TMC6: variants seen among roughly 807,000 people sequenced by gnomAD.
The protein encoded by TMC6 is transmembrane channel-like protein 6.
Under a neutral mutation model 95.4 loss-of-function variants are expected in TMC6, and 71 were observed. The observed-to-expected ratio is 0.74, with a 90% CI of 0.61 to 0.91. The LOEUF is 0.91. Ranked by LOEUF, TMC6 falls within the 40% of genes least tolerant of loss-of-function variation. The pLI is 0.00. For synonymous variants in TMC6, 514 were observed against 483.1 expected (o/e 1.06, Z -0.84); for missense variants, 1,074 against 1,079.1 (o/e 1.00, Z 0.07).
Position 78,119,300 on chromosome 17 carries a change from G to T in TMC6, c.1808C>A (p.Thr603Asn). The change falls in exon 14 of 20, where the codon ACC becomes AAC. Residue 603 changes from threonine (T) to asparagine (N), a missense_variant. By Grantham distance (65) the Thr-to-Asn change is moderately conservative. Coordinates refer to ENST00000590602, the MANE Select transcript of TMC6 (RefSeq NM_001127198.5). ...VLELIYGQTL[T>N]WLGVLFSPLL... Reference sequence around the variant, plus strand: ...GAGGCAAGCAGAGGACCCTCACCAGGTCAGAGTCTGCCCATAAATCAGCTC... The same window carrying T: ...GAGGCAAGCAGAGGACCCTCACCAGTTCAGAGTCTGCCCATAAATCAGCTC... The T allele has an allele frequency of 3.1e-6, 5 of 1,614,010 alleles. No homozygotes were observed. In the South Asian group the frequency reaches 5.5e-5, roughly 18 times the overall value.
Position 78,122,421 on chromosome 17 carries a change from G to T in TMC6, c.1227+184C>A. The T allele has an allele frequency of 1.1e-6, 1 of 883,698 alleles. No homozygotes were observed. The highest frequency in any genetic ancestry group is 1.7e-6 in the Non-Finnish European group (1 of 592,066). The allele number at this position is 883,698 out of a possible 1,614,324, so 54.7% of individuals were successfully genotyped here. On this transcript the variant is annotated intron_variant, in intron 10 of 19. Transcript: ENST00000590602. This position sits in a 1 kb window ranked among gnomAD's most constrained non-coding sequence, Gnocchi z 4.9. Reference sequence around the variant, plus strand: ...CCCTAACTGATGGGTGTGTGCCAGAGAAAAACTCAGGGCCTGCCCGTCACT... The same window carrying T: ...CCCTAACTGATGGGTGTGTGCCAGATAAAAACTCAGGGCCTGCCCGTCACT...
Position 78,121,845 on chromosome 17 carries a change from A to G in TMC6, c.1228-134T>C. 8.5e-7 allele frequency: 1 copy of G among 1,180,622 alleles called. No homozygotes were observed. Among genetic ancestry groups the G allele is most frequent in the Non-Finnish European group, 1.2e-6 (1 of 858,242 alleles). 73.1% of individuals were successfully genotyped at this position (1,180,622 alleles called of 1,614,324 possible). A position where few individuals can be genotyped will look rare whatever the true frequency, so the allele number is the denominator to read the frequency against. On this transcript the variant is annotated intron_variant, in intron 10 of 19. Coordinates refer to ENST00000590602, the MANE Select transcript of TMC6 (RefSeq NM_001127198.5). The surrounding 1 kb of genome is among the most constrained non-coding windows in gnomAD (Gnocchi z 5.6). ...AACCAGGACAGAGGGCCAGTTCCCC[A>G]TGCCCCACCTGCCCTTTCATCTGCT...
At position 78,121,157 on chromosome 17, in the gene TMC6, T is replaced by A; in HGVS notation, c.1391A>T (p.Glu464Val). The change falls in exon 12 of 20, where the codon GAG becomes GTG. Residue 464 changes from glutamate to valine, a missense_variant. Coordinates refer to ENST00000590602, the MANE Select transcript of TMC6 (RefSeq NM_001127198.5). The surrounding 1 kb of genome is among the most constrained non-coding windows in gnomAD (Gnocchi z 5.6). ...CAGCACAGCCTCCTGGCCAGCAGCC[T>A]CTGGACTCTGCAGGGGTGCAGGGAG... ...VFSEFMIQSP[E>V]AAGQEAVLLV... 2 of 1,591,744 alleles carry A rather than the reference T, an allele frequency of 1.3e-6. No homozygotes were observed. Among genetic ancestry groups the A allele is most frequent in the Non-Finnish European group, 1.7e-6 (2 of 1,169,736 alleles).
At chr17:78,120,486 C>T (rs1360102366) in intron 13 of TMC6, 167 bp downstream of exon 13, 2 of 1,096,372 alleles carry the variant, frequency 1.8e-6, no homozygotes, top group African/African-American at 3.1e-5. Flanking sequence ...AACCTGTTTT[C>T]CTTTCCAATC....
Position 78,121,832 on chromosome 17 carries a change from G to C in TMC6, c.1228-121C>G. 7.6e-6 allele frequency: 10 copies of C among 1,317,318 alleles called. No homozygotes were observed. The highest frequency in any genetic ancestry group is 1.0e-5 in the Non-Finnish European group (10 of 979,934). The allele number at this position is 1,317,318 out of a possible 1,614,324, so 81.6% of individuals were successfully genotyped here. ...ACCAGGAGGCTTGAACCAGGACAGAGGGCCAGTTCCCCATGCCCCACCTGC... is the reference window on the plus strand; with the variant it reads ...ACCAGGAGGCTTGAACCAGGACAGACGGCCAGTTCCCCATGCCCCACCTGC... On this transcript the variant is annotated intron_variant, in intron 10 of 19. Transcript: ENST00000590602. The surrounding 1 kb of genome is among the most constrained non-coding windows in gnomAD (Gnocchi z 5.6).
Position 78,126,575 on chromosome 17 carries a change from A to G in TMC6, c.130T>C (p.Cys44Arg). 2 of 1,613,732 alleles carry G rather than the reference A, an allele frequency of 1.2e-6. No individual in the cohort carries two copies. Among genetic ancestry groups the G allele is most frequent in the Non-Finnish European group, 1.7e-6 (2 of 1,179,978 alleles). Residue 44 changes from cysteine (C) to arginine (R), a missense_variant, in exon 3 of 20, where the codon TGC (cysteine) becomes CGC (arginine). Transcript: ENST00000590602. ...AGCTCCAGCCCCTCCTGGGCCGTGCACTGGCTCTGCTCCTGGATGAGCTGC... is the reference window on the plus strand; with the variant it reads ...AGCTCCAGCCCCTCCTGGGCCGTGCGCTGGCTCTGCTCCTGGATGAGCTGC... ...FQQLIQEQSQ[C>R]TAQEGLELQQ...
At chr17:78,119,272 T>G in intron 14 of TMC6, 25 bp downstream of exon 14, 2 of 1,612,964 alleles carry the variant, frequency 1.2e-6, no homozygotes, top group Non-Finnish European at 1.7e-6. Context: ...GGCCAGACAG[T>G]AGGAGGCAAG....
chr17:78,132,165 C>T (rs1029132811), upstream of TMC6: 3 of 1,437,422 alleles, frequency 2.1e-6, no homozygotes, highest in African/African-American at 4.2e-5. Context: ...CCCCTCCCAC[C>T]CCTTCCGCCC....
At chr17:78,117,965 T>A (rs2074217181) in intron 15 of TMC6, 30 bp from the exon 16 acceptor site, 1 of 1,583,976 alleles carries the variant, frequency 6.3e-7, no homozygotes, top group African/African-American at 1.3e-5. Flanking sequence ...TCTGCCACCA[T>A]CCTGCTACCC....
At chr17:78,131,367 C>T, upstream of TMC6, 1 of 635,676 alleles carries the variant, frequency 1.6e-6, no homozygotes, top group Non-Finnish European at 2.7e-6. Context: ...GATTCTCTCT[C>T]ATTTCTGAGC....
rs998707301 is a variant in TMC6 at position 78,124,894 on chromosome 17, C to G, written c.628G>C (p.Val210Leu). 6.3e-6 allele frequency: 10 copies of G among 1,596,892 alleles called. No individual in the cohort carries two copies. Among genetic ancestry groups the G allele is most frequent in the Non-Finnish European group, 7.7e-6 (9 of 1,173,412 alleles). The change falls in exon 7 of 20, where the codon GTG (valine) becomes CTG (leucine). Residue 210 changes from valine (V) to leucine (L), a missense_variant. Transcript: ENST00000590602. ...SCCGRLRYAC[V>L]LALHSLGLAL... ...GGCAGACCAGGGGCCCATACCAGCA[C>G]GCAGGCATATCTGAGCCGGCCACAG...
intron 15 of TMC6, 99 bp from the exon 16 acceptor site, chr17:78,118,034 G>C: frequency 6.5e-7 from 1 of 1,537,340 alleles, no homozygotes; most frequent in African/African-American, 1.4e-5. Flanking sequence ...AGGGCTGTGC[G>C]TCCAGGCAGA....
intron 13 of TMC6, 28 bp downstream of exon 13, chr17:78,120,625 C>T: frequency 6.2e-7 from 1 of 1,613,998 alleles, no homozygotes; most frequent in South Asian, 1.1e-5. Flanking sequence ...AGAACACTCA[C>T]CACCCAGTCC....
chr17:78,131,432 C>G, upstream of TMC6: 1 of 1,050,912 alleles, frequency 9.5e-7, no homozygotes, highest in Non-Finnish European at 1.4e-6. Flanking sequence ...GCTGCAGGAG[C>G]CCAGGCCCCG....
At chr17:78,115,723 G>GA (rs1295270429) in intron 18 of TMC6, among the ~76,000 whole-genome samples, 2 of 3,210 alleles carry the variant, frequency 6.2e-4, no homozygotes, top group Non-Finnish European at 1.3e-3. Context: ...TGGGCACAGG[G>GA]GCGAAGGGAG....
rs558985374 is a variant in TMC6, at chr17:78,128,280, C to T, written c.-75+332G>A. 6.7e-3 allele frequency among the ~76,000 whole-genome samples: 1,021 copies of T among 152,224 alleles called. 8 individuals carry two copies. Among genetic ancestry groups the T allele is most frequent in the African/African-American group, 0.023 (969 of 41,538 alleles). ...AGAGCGGCTGCAACTCTGGGGCCAC[C>T]GAACCCGTCCAGCCGGCCTCCCTGT... On this transcript the variant is annotated intron_variant, in intron 1 of 19. Transcript: ENST00000590602. The surrounding 1 kb of genome is among the most constrained non-coding windows in gnomAD (Gnocchi z 4.0).
In TMC6 at chr17:78,117,647, G is replaced by C. The variant is rs1363065689; in HGVS notation, c.2022-3C>G. The stretch of plus-strand genomic sequence containing the variant: ...CGCAGGTGCTCGAGGGCTTCACCCT[G>C]GGGAAGATGCCGACCAGGAACCCTC... On this transcript the variant is annotated splice_polypyrimidine_tract_variant and splice_region_variant and intron_variant, in intron 16 of 19. Coordinates refer to ENST00000590602, the MANE Select transcript of TMC6 (RefSeq NM_001127198.5). 6.4e-7 allele frequency: 1 copy of C among 1,566,580 alleles called. No homozygotes were observed. Among genetic ancestry groups the C allele is most frequent in the Non-Finnish European group, 8.6e-7 (1 of 1,156,458 alleles).
Position 78,126,639 on chromosome 17 carries a change from G to A in TMC6, c.66C>T (p.Pro22=). The part of the protein sequence containing the change: ...PETPGDQGQG[P]SPYDESEVHD... ...GCACTTCGCTTTCATCATAGGGGCT[G>A]GGGCCCTGGCTGCAGAGGGGGTTGG... Residue 22 remains proline (P), a synonymous_variant, in exon 3 of 20, where the codon CCC becomes CCT. Coordinates refer to ENST00000590602, the MANE Select transcript of TMC6 (RefSeq NM_001127198.5). 1.2e-6 allele frequency: 2 copies of A among 1,613,296 alleles called. No homozygotes were observed. Among genetic ancestry groups the A allele is most frequent in the Non-Finnish European group, 1.7e-6 (2 of 1,179,964 alleles).
rs1045880757 is a variant in TMC6 at position 78,110,355 on chromosome 17, G to A, written c.*2793C>T. 1.3e-5 allele frequency: 2 copies of A among 151,738 alleles called. No homozygotes were observed. Among genetic ancestry groups the A allele is most frequent in the Non-Finnish European group, 2.9e-5 (2 of 67,996 alleles). 9.4% of individuals were successfully genotyped at this position (151,738 alleles called of 1,614,324 possible). ...GAAACCCCATCTCTACTAAAAATACGAAGATCAGCCAGGCCTGGTTGTATG... is the reference window on the plus strand; with the variant it reads ...GAAACCCCATCTCTACTAAAAATACAAAGATCAGCCAGGCCTGGTTGTATG... On this transcript the variant is annotated 3_prime_UTR_variant, in exon 20 of 20. Transcript: ENST00000590602.
Sources: allele counts gnomAD v4.1 joint callset (sites outside exome capture counted in the v4.1 genomes callset), GRCh38; gene constraint gnomAD v4.1.1; non-coding constraint Gnocchi (gnomAD v3.1); transcripts MANE v1.5; gene names NCBI Gene and HGNC (gene_info 2026-07-23, HGNC 2026-07-21).